Variants in SAMD3 observed in about 807,000 individuals in gnomAD.
SAMD3 encodes the protein sterile alpha motif domain-containing protein 3.
SAMD3 carries 63 observed loss-of-function variants against 58.5 expected under a neutral mutation model. The observed-to-expected ratio is 1.08, with a 90% CI of 0.88 to 1.33. The LOEUF is 1.33. Among genes scored for constraint, SAMD3 ranks in the 40% most tolerant of loss-of-function variants. The pLI is 0.00. For synonymous variants in SAMD3, 220 were observed against 210.3 expected (o/e 1.05, Z -0.40); for missense variants, 604 against 608.4 (o/e 0.99, Z 0.08).
intron 9 of SAMD3, among the ~76,000 whole-genome samples, chr6:130,149,163 G>T (rs563027361): frequency 1.2e-4 from 18 of 152,186 alleles, no homozygotes; most frequent in African/African-American, 4.3e-4. Flanking sequence ...GAGATTCCTG[G>T]CTCCCATTAT....
At chr6:130,347,549 C>T (rs543264980) in intron 1 of SAMD3, among the ~76,000 whole-genome samples, 102 of 152,274 alleles carry the variant, frequency 6.7e-4, no homozygotes, top group African/African-American at 2.4e-3. Flanking sequence ...AAGAAATGAA[C>T]AAAGCCTCCA....
chr6:130,187,245 T>C (rs1397538387), intron 5 of SAMD3, among the ~76,000 whole-genome samples: 1 of 152,242 alleles, frequency 6.6e-6, no homozygotes, highest in Non-Finnish European at 1.5e-5. Context: ...ATAAGTTCAA[T>C]GTTCCAGTGT....
rs190128767 is a variant in SAMD3, at chr6:130,203,973, A to G, written c.383+5522T>C. On this transcript the variant is annotated intron_variant, in intron 5 of 11. Transcript: ENST00000439090. Reference sequence around the variant, plus strand: ...AACGCATCAAATATGTTGAAAATCCATTGACATTTGCCTTAATCACTGAAC... The same window carrying G: ...AACGCATCAAATATGTTGAAAATCCGTTGACATTTGCCTTAATCACTGAAC... Among the ~76,000 whole-genome samples the G allele has an allele frequency of 2.0e-5, 3 of 152,294 alleles. No homozygotes were observed. In the East Asian group the frequency reaches 5.8e-4, roughly 29 times the overall value.
intron 7 of SAMD3, among the ~76,000 whole-genome samples, chr6:130,182,546 A>AG (rs1291300536): frequency 6.7e-6 from 1 of 148,206 alleles, no homozygotes; most frequent in Non-Finnish European, 1.5e-5. Flanking sequence ...AAGGAAGGAA[A>AG]GAAGGAAGGA....
At chr6:130,355,160 A>G (rs1281866333) in intron 1 of SAMD3, among the ~76,000 whole-genome samples, 1 of 152,188 alleles carries the variant, frequency 6.6e-6, no homozygotes, top group African/African-American at 2.4e-5. Flanking sequence ...ACGGTGGCTC[A>G]CGCCTGTGAT....
intron 2 of SAMD3, among the ~76,000 whole-genome samples, chr6:130,229,714 T>C (rs1796487491): frequency 6.6e-6 from 1 of 152,206 alleles, no homozygotes; most frequent in African/African-American, 2.4e-5. Context: ...TTAGACTTTA[T>C]GTTATTTGAG....
At chr6:130,240,228 C>G (rs1773309339) in intron 2 of SAMD3, among the ~76,000 whole-genome samples, 1 of 152,180 alleles carries the variant, frequency 6.6e-6, no homozygotes, top group Non-Finnish European at 1.5e-5. Context: ...TTTCCTTAAC[C>G]CATACCATAA....
chr6:130,147,554 C>A (rs1001101949), intron 9 of SAMD3, among the ~76,000 whole-genome samples: 1 of 152,200 alleles, frequency 6.6e-6, no homozygotes, highest in Non-Finnish European at 1.5e-5. Flanking sequence ...ACAGAACTTA[C>A]AAGTGCCCTC....
intron 5 of SAMD3, among the ~76,000 whole-genome samples, chr6:130,190,719 A>G (rs986738355): frequency 6.6e-6 from 1 of 152,052 alleles, no homozygotes; most frequent in Non-Finnish European, 1.5e-5. Context: ...GCAGCTCCTC[A>G]CAATTTATCC....
intron 2 of SAMD3, among the ~76,000 whole-genome samples, chr6:130,232,565 A>G (rs1219911778): frequency 6.6e-6 from 1 of 152,196 alleles, no homozygotes; most frequent in East Asian, 1.9e-4. Flanking sequence ...TTCTGAGAGT[A>G]TACAGTTTAC....
intron 1 of SAMD3, among the ~76,000 whole-genome samples, chr6:130,218,018 T>C (rs534344650): frequency 6.6e-6 from 1 of 152,270 alleles, no homozygotes; most frequent in Admixed American, 6.5e-5. Flanking sequence ...TGAAACAATG[T>C]CTGGGCAATT....
chr6:130,312,208 T>C (rs985945771), intron 2 of SAMD3, among the ~76,000 whole-genome samples: 2 of 152,196 alleles, frequency 1.3e-5, no homozygotes, highest in African/African-American at 4.8e-5. Context: ...CATGTGTAAA[T>C]TGAGACTTCG....
intron 7 of SAMD3, among the ~76,000 whole-genome samples, chr6:130,182,088 C>CG (rs1270468876): frequency 6.8e-6 from 1 of 146,444 alleles, no homozygotes; most frequent in Non-Finnish European, 1.5e-5. Flanking sequence ...AAAAAAAAAA[C>CG]CACAAGTTCT....
intron 2 of SAMD3, among the ~76,000 whole-genome samples, chr6:130,285,474 TAA>T (rs1457146367): frequency 6.6e-6 from 1 of 152,152 alleles, no homozygotes; most frequent in African/African-American, 2.4e-5. Flanking sequence ...ATTCCTACTT[TAA>T]ATGTGTTCAT....
intron 1 of SAMD3, among the ~76,000 whole-genome samples, chr6:130,329,423 G>C (rs1285117844): frequency 2.0e-5 from 3 of 152,116 alleles, no homozygotes; most frequent in Non-Finnish European, 1.5e-5. Context: ...GATGGCAGTA[G>C]AATGAAATTT....
chr6:130,308,392 TC>T (rs1389626594), intron 2 of SAMD3, among the ~76,000 whole-genome samples: 3 of 146,324 alleles, frequency 2.1e-5, no homozygotes, highest in African/African-American at 7.8e-5. Context: ...TCTATTCTAT[TC>T]TATTCTATTC....
At chr6:130,364,231 T>A (rs1414104755) in intron 1 of SAMD3, among the ~76,000 whole-genome samples, 1 of 152,196 alleles carries the variant, frequency 6.6e-6, no homozygotes, top group Non-Finnish European at 1.5e-5. Context: ...AGCATCAATA[T>A]CTGTGGCCTT....
intron 2 of SAMD3, among the ~76,000 whole-genome samples, chr6:130,242,700 G>A (rs1773403811): frequency 6.6e-6 from 1 of 152,192 alleles, no homozygotes; most frequent in South Asian, 2.1e-4. Flanking sequence ...TCCAGAGCTG[G>A]CCTGTCCAAA....
intron 2 of SAMD3, among the ~76,000 whole-genome samples, chr6:130,230,259 C>T (rs963908307): frequency 2.0e-5 from 3 of 152,264 alleles, no homozygotes; most frequent in Non-Finnish European, 2.9e-5. Context: ...TATGAATGTT[C>T]GGCAGGCTGG....
Sources: allele counts gnomAD v4.1 joint callset (sites outside exome capture counted in the v4.1 genomes callset), GRCh38; gene constraint gnomAD v4.1.1; transcripts MANE v1.5; gene names NCBI Gene and HGNC (gene_info 2026-07-23, HGNC 2026-07-21).